Variants in CASK observed in about 807,000 individuals in gnomAD.
CASK encodes calcium/calmodulin dependent serine protein kinase.
Under a neutral mutation model 82.9 loss-of-function variants are expected in CASK, and 4 were observed. The ratio of observed to expected loss-of-function variants is 0.05; its 90% CI spans 0.02 to 0.11. The LOEUF is 0.11. Ranked by LOEUF, CASK falls within the 10% of genes least tolerant of loss-of-function variation. CASK has a pLI of 1.00. For synonymous variants in CASK, 259 were observed against 253.5 expected, an observed-to-expected ratio of 1.02 and a Z score of -0.20; for missense variants, 358 against 720.9, an observed-to-expected ratio of 0.50 and a Z score of 5.76.
At chrX:41,642,747 C>A (rs765582475) in intron 8 of CASK, among the ~76,000 whole-genome samples, 4 of 111,932 alleles carry the variant, frequency 3.6e-5, no homozygotes, top group African/African-American at 1.3e-4. Flanking sequence ...AGCTCTTTAG[C>A]TTAATTAGAT....
chrX:41,787,144 G>A (rs2147832974), intron 3 of CASK, 34 bp downstream of exon 3: 1 of 845,972 alleles, frequency 1.2e-6, no homozygotes, highest in South Asian at 2.0e-5. Context: ...ATTGCTTCAA[G>A]TTTTACCCTT....
rs2064603078 is a variant in CASK at position 41,519,323 on chromosome X, A to C, written c.*1097T>G. The C allele has an allele frequency of 1.8e-5, 2 of 112,423 alleles. No homozygotes were observed. The highest frequency in any genetic ancestry group is 9.4e-5 in the Admixed American group (1 of 10,623). 9.3% of individuals were successfully genotyped at this position (112,423 alleles called of 1,213,427 possible). On this transcript the variant is annotated 3_prime_UTR_variant, in exon 27 of 27. Coordinates refer to ENST00000378163, the MANE Select transcript of CASK (RefSeq NM_001367721.1). Reference sequence around the variant, plus strand: ...ATAGATGATTCTTTTGGAATATTTCAGTTTATAGCAAATGCCTAAACTGGT... The same window carrying C: ...ATAGATGATTCTTTTGGAATATTTCCGTTTATAGCAAATGCCTAAACTGGT...
intron 5 of CASK, among the ~76,000 whole-genome samples, chrX:41,681,042 G>A (rs920370532): frequency 8.9e-6 from 1 of 112,226 alleles, no homozygotes; most frequent in Non-Finnish European, 1.9e-5. Flanking sequence ...GGTTTGAACT[G>A]TGTGGGTCCA....
Position 41,648,535 on chromosome X carries a change from C to T in CASK, c.832-11874G>A, listed in dbSNP as rs757352333. 3.2e-3 allele frequency among the ~76,000 whole-genome samples: 351 copies of T among 111,056 alleles called. 1 individual carries two copies. The highest frequency in any genetic ancestry group is 3.2e-3 in the Non-Finnish European group (168 of 52,982). On this transcript the variant is annotated intron_variant, in intron 8 of 26. Transcript: ENST00000378163. ...TAAAAACTTGCTAGTTTTTGTGGCTCGAAAGGCATCACAGATCCTACCAAC... is the reference window on the plus strand; with the variant it reads ...TAAAAACTTGCTAGTTTTTGTGGCTTGAAAGGCATCACAGATCCTACCAAC...
At chrX:41,628,557 G>A (rs1386705661) in intron 9 of CASK, among the ~76,000 whole-genome samples, 6 of 111,592 alleles carry the variant, frequency 5.4e-5, no homozygotes, top group Admixed American at 4.8e-4. Context: ...CACCCACCTC[G>A]GCCTCCCAAA....
chrX:41,535,673 A>G (rs989454642), intron 22 of CASK, among the ~76,000 whole-genome samples: 2 of 112,101 alleles, frequency 1.8e-5, no homozygotes, highest in African/African-American at 6.5e-5. Flanking sequence ...TTACATGGGC[A>G]GCCTGTGTAT....
rs748718386 is a variant in CASK, at chrX:41,705,606, T to C, written c.429+33778A>G. ...ATCTGATTCTTGGTTTTTCTCCGTC[T>C]AATCAGAGACACCAAACAGGTCACC... On this transcript the variant is annotated intron_variant, in intron 5 of 26. Transcript: ENST00000378163. Among the ~76,000 whole-genome samples, 3 of 111,529 alleles carry C rather than the reference T, an allele frequency of 2.7e-5. No homozygotes were observed. In the South Asian group the frequency reaches 1.1e-3, roughly 42 times the overall value.
intron 2 of CASK, among the ~76,000 whole-genome samples, chrX:41,843,522 T>TA (rs749485983): frequency 8.9e-6 from 1 of 112,051 alleles, no homozygotes; most frequent in South Asian, 3.7e-4. Flanking sequence ...TCGTGGTACT[T>TA]AAAAAATCCT....
intron 12 of CASK, among the ~76,000 whole-genome samples, chrX:41,599,304 T>C (rs2065863919): frequency 3.6e-5 from 4 of 112,188 alleles, no homozygotes; most frequent in Admixed American, 2.8e-4. Context: ...AGTAAAATCA[T>C]GATGGGGAAT....
At chrX:41,809,492 C>T (rs1363032796) in intron 2 of CASK, among the ~76,000 whole-genome samples, 2 of 112,297 alleles carry the variant, frequency 1.8e-5, no homozygotes, top group Non-Finnish European at 3.8e-5. Context: ...CTGGAGTGGA[C>T]CTCCAGCAAA....
At chrX:41,888,398 G>A (rs2072086892) in intron 1 of CASK, among the ~76,000 whole-genome samples, 1 of 109,705 alleles carries the variant, frequency 9.1e-6, no homozygotes. Flanking sequence ...TACCCAATGT[G>A]TTTTATTCCT....
chrX:41,790,931 C>A (rs1456918049), intron 2 of CASK, among the ~76,000 whole-genome samples: 2 of 111,733 alleles, frequency 1.8e-5, no homozygotes, highest in Admixed American at 1.9e-4. Flanking sequence ...GCCTACAAAT[C>A]AACTCTAGAG....
chrX:41,695,025 C>A (rs2067653595), intron 5 of CASK, among the ~76,000 whole-genome samples: 2 of 111,955 alleles, frequency 1.8e-5, no homozygotes, highest in Admixed American at 1.9e-4. Context: ...AACTGATGCT[C>A]ATCTTTGAGA....
At chrX:41,765,068 T>G (rs2069085355) in intron 3 of CASK, among the ~76,000 whole-genome samples, 1 of 112,261 alleles carries the variant, frequency 8.9e-6, no homozygotes, top group African/African-American at 3.2e-5. Flanking sequence ...CTATCTAAAG[T>G]AAACAAATGG....
At chrX:41,584,800 T>A (rs990164174) in intron 14 of CASK, 10 of 111,960 alleles carry the variant, frequency 8.9e-5, no homozygotes, top group African/African-American at 2.9e-4. Context: ...AGGGAATGAA[T>A]TATAATCTGG....
intron 5 of CASK, among the ~76,000 whole-genome samples, chrX:41,716,416 A>T (rs1439477235): frequency 8.9e-6 from 1 of 112,620 alleles, no homozygotes; most frequent in African/African-American, 3.2e-5. Flanking sequence ...GGCTAAGGGA[A>T]TTTCCCCACT....
chrX:41,899,399 A>C (rs2072327842), intron 1 of CASK, among the ~76,000 whole-genome samples: 1 of 110,787 alleles, frequency 9.0e-6, no homozygotes, highest in Non-Finnish European at 1.9e-5. Context: ...TGAAGAATTT[A>C]AGCCATTTAA....
At chrX:41,889,101 T>C (rs747226310) in intron 1 of CASK, among the ~76,000 whole-genome samples, 1 of 109,313 alleles carries the variant, frequency 9.1e-6, no homozygotes, top group South Asian at 4.0e-4. Context: ...ATTCCAATTG[T>C]TGAGAACTAG....
intron 5 of CASK, among the ~76,000 whole-genome samples, chrX:41,694,836 C>T (rs899684396): frequency 1.2e-4 from 13 of 111,691 alleles, no homozygotes; most frequent in African/African-American, 3.9e-4. Flanking sequence ...ATTTAGGATC[C>T]TCTTCTTTAT....
Sources: gnomAD v4.1 joint callset for allele counts (sites outside exome capture counted in the v4.1 genomes callset) on GRCh38, gnomAD v4.1.1 for gene constraint, MANE v1.5 for transcripts, NCBI Gene and HGNC (gene_info 2026-07-23, HGNC 2026-07-21) for gene names.